Variants in GLMN observed in about 807,000 individuals in gnomAD.
The protein encoded by GLMN is glomulin.
Under a neutral mutation model 87.8 loss-of-function variants are expected in GLMN, and 75 were observed. The observed-to-expected ratio is 0.85, with a 90% CI of 0.71 to 1.04. The LOEUF (loss-of-function observed/expected upper bound fraction) is 1.04, where lower values mean the gene tolerates loss of function less well. Among genes scored for constraint, GLMN ranks in the 50% least tolerant of loss-of-function variants. The pLI is 0.00. For synonymous variants in GLMN, 206 were observed against 221.6 expected, an observed-to-expected ratio of 0.93 and a Z score of 0.63; for missense variants, 588 against 658.8, an observed-to-expected ratio of 0.89 and a Z score of 1.18.
the GLMN span, among the ~76,000 whole-genome samples, chr1:92,356,319 T>C: frequency 6.6e-6 from 1 of 152,112 alleles, no homozygotes; most frequent in Non-Finnish European, 1.5e-5. Flanking sequence ...CAACAATGAA[T>C]AGAAAAGTCT....
upstream of GLMN, chr1:92,299,000 C>T: frequency 2.7e-6 from 2 of 727,884 alleles, no homozygotes; most frequent in Admixed American, 3.5e-5. Context: ...CCCCGCCCCG[C>T]GCTACGCGTA....
At chr1:92,350,810 T>C in the GLMN span, among the ~76,000 whole-genome samples, 1 of 152,182 alleles carries the variant, frequency 6.6e-6, no homozygotes, top group East Asian at 1.9e-4. Flanking sequence ...GGCATGCCTA[T>C]AGTTCCAGCT....
chr1:92,281,053 T>C (rs1028103738), intron 7 of GLMN, among the ~76,000 whole-genome samples: 1 of 152,168 alleles, frequency 6.6e-6, no homozygotes, highest in Non-Finnish European at 1.5e-5. Flanking sequence ...TTCAGGATAT[T>C]ATCCAGGAGA....
At chr1:92,314,531 C>G in the GLMN span, among the ~76,000 whole-genome samples, 12 of 152,104 alleles carry the variant, frequency 7.9e-5, no homozygotes, top group African/African-American at 2.9e-4. Flanking sequence ...CGGTGGATCA[C>G]TTGAGGTCAG....
rs545349409 is a variant in GLMN, at chr1:92,249,733, T to TCTAA, written c.1474-1748_1474-1745dup. On this transcript the variant is annotated intron_variant, in intron 16 of 18. Transcript: ENST00000370360. The stretch of plus-strand genomic sequence containing the variant: ...ATCAAGCAATACAGCTTGTCTTTTA[T>TCTAA]CTAACTCTTTTTGTACCCATTCACC... Among the ~76,000 whole-genome samples, 232 of 152,264 alleles carry TCTAA rather than the reference T, an allele frequency of 1.5e-3. 2 individuals carry two copies. The highest frequency in any genetic ancestry group is 5.5e-3 in the African/African-American group (229 of 41,564).
the GLMN span, among the ~76,000 whole-genome samples, chr1:92,337,347 A>G: frequency 2.0e-5 from 3 of 152,142 alleles, no homozygotes; most frequent in Admixed American, 6.5e-5. Context: ...CACCTAATAG[A>G]CATCATTTTA....
At chr1:92,350,542 T>A in the GLMN span, among the ~76,000 whole-genome samples, 2 of 152,236 alleles carry the variant, frequency 1.3e-5, no homozygotes, top group Non-Finnish European at 2.9e-5. Flanking sequence ...AATACAGAGT[T>A]GAACCTGATT....
the GLMN span, among the ~76,000 whole-genome samples, chr1:92,346,167 TTG>T: frequency 2.0e-4 from 30 of 147,498 alleles, no homozygotes; most frequent in African/African-American, 7.6e-4. Flanking sequence ...CATCTCTTTT[TTG>T]TTTTTTTTTT....
In GLMN at chr1:92,289,082, G is replaced by C. The variant is rs764834303; in HGVS notation, c.464C>G (p.Ser155Cys). 5 of 1,612,002 alleles carry C rather than the reference G, an allele frequency of 3.1e-6. No homozygotes were observed. Among genetic ancestry groups the C allele is most frequent in the Non-Finnish European group, 4.2e-6 (5 of 1,178,134 alleles). Reference protein sequence around the residue: ...LALSTLWNQLSLLPVPYSKEQ... With the variant: ...LALSTLWNQLCLLPVPYSKEQ... ...TTTTGAGTATGGAACAGGAAGAAGAGATAGCTGATTCCAAAGGGTAGACAA... is the reference window on the plus strand; with the variant it reads ...TTTTGAGTATGGAACAGGAAGAAGACATAGCTGATTCCAAAGGGTAGACAA... Residue 155 changes from serine (S) to cysteine (C), a missense_variant, in exon 6 of 19, where the codon TCT becomes TGT. Physicochemically the swap from Ser to Cys is moderately radical, Grantham distance 112 (BLOSUM62 -1). Transcript: ENST00000370360.
intron 15 of GLMN, 113 bp downstream of exon 15, chr1:92,263,510 C>T: frequency 1.3e-6 from 1 of 755,708 alleles, no homozygotes; most frequent in Admixed American, 1.8e-5. Flanking sequence ...AATGAATTAG[C>T]CATAGATCAT....
chr1:92,284,510 T>C (rs1464908149), intron 7 of GLMN, among the ~76,000 whole-genome samples: 5 of 152,110 alleles, frequency 3.3e-5, no homozygotes, highest in African/African-American at 4.8e-5. Context: ...CTTAACACCA[T>C]AAAAACCCTA....
chr1:92,259,103 C>A, intron 16 of GLMN, among the ~76,000 whole-genome samples: 1 of 152,072 alleles, frequency 6.6e-6, no homozygotes, highest in East Asian at 1.9e-4. Flanking sequence ...ATTCTACATA[C>A]TATAATTACA....
At chr1:92,331,302 T>G in the GLMN span, among the ~76,000 whole-genome samples, 4 of 152,330 alleles carry the variant, frequency 2.6e-5, no homozygotes, top group Admixed American at 6.5e-5. Flanking sequence ...ATCTTTGTCC[T>G]TTATATGGAG....
chr1:92,307,141 A>G, the GLMN span: 1 of 1,274,606 alleles, frequency 7.8e-7, no homozygotes, highest in Non-Finnish European at 1.1e-6. Flanking sequence ...GTATGTAGGT[A>G]ATGTTTCATG....
the GLMN span, among the ~76,000 whole-genome samples, chr1:92,343,768 G>GA: frequency 3.1e-4 from 47 of 151,940 alleles, 1 homozygote; most frequent in African/African-American, 4.8e-4. Context: ...AAGTGGTATG[G>GA]AAAAAAAAGA....
chr1:92,246,723 G>T, intron 18 of GLMN, 77 bp from the exon 19 acceptor site: 1 of 795,974 alleles, frequency 1.3e-6, no homozygotes, highest in Non-Finnish European at 2.3e-6. Flanking sequence ...AAAGATTTCA[G>T]CTGGAGGTAG....
At chr1:92,328,978 A>G in the GLMN span, among the ~76,000 whole-genome samples, 1 of 152,196 alleles carries the variant, frequency 6.6e-6, no homozygotes, top group East Asian at 1.9e-4. Context: ...GTGTCTGCAA[A>G]GGGTCCTGTG....
intron 16 of GLMN, 120 bp from the exon 17 acceptor site, chr1:92,248,109 A>G: frequency 1.5e-6 from 1 of 655,948 alleles, no homozygotes; most frequent in East Asian, 2.7e-5. Flanking sequence ...TTCACAATGG[A>G]CTTCACTATT....
At chr1:92,253,602 C>A (rs533805214) in intron 16 of GLMN, among the ~76,000 whole-genome samples, 1 of 152,314 alleles carries the variant, frequency 6.6e-6, no homozygotes, top group South Asian at 2.1e-4. Context: ...GTTCTGCAGC[C>A]TCCAATGGTG....
Sources: gnomAD v4.1 joint callset for allele counts (sites outside exome capture counted in the v4.1 genomes callset) on GRCh38, gnomAD v4.1.1 for gene constraint, MANE v1.5 for transcripts, NCBI Gene and HGNC (gene_info 2026-07-23, HGNC 2026-07-21) for gene names.